PATJ: variants seen among roughly 807,000 people sequenced by gnomAD.
PATJ encodes PATJ crumbs cell polarity complex component.
A neutral mutation model predicts 224.9 loss-of-function variants in PATJ; 190 were observed. The observed-to-expected ratio is 0.84, with a 90% confidence interval of 0.75 to 0.95. The LOEUF (loss-of-function observed/expected upper bound fraction) is 0.95. Ranked by LOEUF, PATJ falls within the 40% of genes least tolerant of loss-of-function variation. The probability of loss-of-function intolerance (pLI) is 0.00; values close to 1 mark genes in which losing one functional copy is unlikely to be tolerated. For missense variants in PATJ, 2,121 were observed against 2,270.3 expected (o/e 0.93, Z 1.34); for synonymous variants, 769 against 820.3 (o/e 0.94, Z 1.07).
At chr1:62,054,816 G>T (rs1233136720) in intron 31 of PATJ, among the ~76,000 whole-genome samples, 1 of 152,034 alleles carries the variant, frequency 6.6e-6, no homozygotes, top group Non-Finnish European at 1.5e-5. Flanking sequence ...CAGCACTTTG[G>T]GATGCCGAGG....
intron 24 of PATJ, among the ~76,000 whole-genome samples, chr1:61,907,529 C>A (rs1672021013): frequency 6.6e-6 from 1 of 152,126 alleles, no homozygotes; most frequent in South Asian, 2.1e-4. Context: ...CTTTATCATC[C>A]ATTTTTTTCT....
chr1:61,946,587 CCAAA>C (rs766136625), intron 27 of PATJ, among the ~76,000 whole-genome samples: 5 of 152,266 alleles, frequency 3.3e-5, no homozygotes, highest in African/African-American at 4.8e-5. Flanking sequence ...AGCCTACCAA[CCAAA>C]CAAAGTCCAG....
intron 9 of PATJ, 145 bp downstream of exon 9, chr1:61,791,592 T>G (rs1649880383): frequency 2.0e-6 from 1 of 509,224 alleles, no homozygotes; most frequent in African/African-American, 1.9e-5. Context: ...CACTTCTCAG[T>G]GATTACAGAA....
At chr1:61,890,357 T>C (rs951192455) in intron 22 of PATJ, among the ~76,000 whole-genome samples, 22 of 152,178 alleles carry the variant, frequency 1.4e-4, no homozygotes, top group Non-Finnish European at 2.5e-4. Flanking sequence ...TGCATGCCTG[T>C]AGTCCTAACT....
chr1:62,005,580 A>G (rs980701884), intron 28 of PATJ, among the ~76,000 whole-genome samples: 1 of 152,104 alleles, frequency 6.6e-6, no homozygotes, highest in Non-Finnish European at 1.5e-5. Context: ...CCTGGGCAAG[A>G]TAGCAAGACC....
At chr1:61,858,759 A>G (rs983517854) in intron 18 of PATJ, among the ~76,000 whole-genome samples, 2 of 152,220 alleles carry the variant, frequency 1.3e-5, no homozygotes, top group African/African-American at 2.4e-5. Context: ...TCATATATAA[A>G]TAGATTCATG....
chr1:62,055,946 G>A (rs1465922011), intron 31 of PATJ, among the ~76,000 whole-genome samples: 1 of 152,194 alleles, frequency 6.6e-6, no homozygotes, highest in Admixed American at 6.5e-5. Context: ...GGGGGCTGCT[G>A]ATAAAAGCTC....
intron 14 of PATJ, among the ~76,000 whole-genome samples, chr1:61,820,141 G>A (rs368463720): frequency 1.7e-4 from 26 of 149,948 alleles, no homozygotes; most frequent in African/African-American, 4.4e-4. Context: ...TCCTGGATTC[G>A]AGGAATTATC....
chr1:62,011,960 G>A (rs951372933), intron 28 of PATJ, among the ~76,000 whole-genome samples: 1 of 151,774 alleles, frequency 6.6e-6, no homozygotes, highest in African/African-American at 2.4e-5. Context: ...CCAGGAGATT[G>A]AGGCTGTAGC....
At chr1:62,085,824 A>T (rs928665389) in intron 33 of PATJ, among the ~76,000 whole-genome samples, 137 of 107,538 alleles carry the variant, frequency 1.3e-3, no homozygotes, top group Middle Eastern at 4.7e-3. Flanking sequence ...GTCTCTGTTT[A>T]AAAAAAAAAA....
intron 31 of PATJ, among the ~76,000 whole-genome samples, chr1:62,069,828 G>A (rs1657090176): frequency 6.6e-6 from 1 of 152,132 alleles, no homozygotes; most frequent in Admixed American, 6.6e-5. Context: ...TGCTCAGTAA[G>A]CATGTATTGA....
rs60347128 is a variant in PATJ at position 62,045,870 on chromosome 1, C to T, written c.4033-5096C>T. On this transcript the variant is annotated intron_variant, in intron 30 of 43. Coordinates refer to ENST00000642238, the MANE Select transcript of PATJ (RefSeq NM_001350145.3). Reference sequence around the variant, plus strand: ...TGGTGAGTGGGGTATTTTGAAGACTCCTTACCTCATGAGCCATTCTGTTCT... The same window carrying T: ...TGGTGAGTGGGGTATTTTGAAGACTTCTTACCTCATGAGCCATTCTGTTCT... 4.8e-4 allele frequency among the ~76,000 whole-genome samples: 73 copies of T among 152,170 alleles called. 1 individual carries two copies. Among genetic ancestry groups the T allele is most frequent in the Middle Eastern group, 3.4e-3 (1 of 294 alleles).
At chr1:61,797,169 C>T (rs767793111) in intron 10 of PATJ, 118 bp from the exon 11 acceptor site, 15 of 1,186,070 alleles carry the variant, frequency 1.3e-5, no homozygotes, top group Admixed American at 5.8e-5. Context: ...CCACCACACC[C>T]GGCCTAAATA....
intron 31 of PATJ, among the ~76,000 whole-genome samples, chr1:62,052,322 G>A (rs764745991): frequency 6.6e-6 from 1 of 151,872 alleles, no homozygotes; most frequent in Non-Finnish European, 1.5e-5. Flanking sequence ...CTGGCTGAAG[G>A]GAAAGAATGT....
intron 26 of PATJ, among the ~76,000 whole-genome samples, chr1:61,926,438 A>G (rs1675221198): frequency 6.6e-6 from 1 of 152,236 alleles, no homozygotes; most frequent in South Asian, 2.1e-4. Flanking sequence ...ATATTAGTTT[A>G]AAACCTGGCT....
intron 41 of PATJ, among the ~76,000 whole-genome samples, chr1:62,136,831 A>G (rs1666954955): frequency 6.6e-6 from 1 of 151,916 alleles, no homozygotes; most frequent in Non-Finnish European, 1.5e-5. Flanking sequence ...CAGCCTCCCA[A>G]AGTGCTGGGA....
At chr1:61,913,340 C>T (rs901127277) in intron 25 of PATJ, among the ~76,000 whole-genome samples, 1 of 152,078 alleles carries the variant, frequency 6.6e-6, no homozygotes, top group Admixed American at 6.6e-5. Context: ...CCACAAGTAT[C>T]TGGGATTACA....
chr1:62,117,544 C>T, intron 37 of PATJ: 1 of 402,578 alleles, frequency 2.5e-6, no homozygotes, highest in Non-Finnish European at 3.6e-6. Flanking sequence ...GCAATTTGAC[C>T]CTCATTAGCA....
intron 20 of PATJ, among the ~76,000 whole-genome samples, chr1:61,873,031 AC>A (rs1264136422): frequency 6.6e-6 from 1 of 152,190 alleles, no homozygotes; most frequent in South Asian, 2.1e-4. Context: ...CATTTTCAAA[AC>A]AAAATTCACA....
Sources: allele counts gnomAD v4.1 joint callset (sites outside exome capture counted in the v4.1 genomes callset), GRCh38; gene constraint gnomAD v4.1.1; transcripts MANE v1.5; gene names NCBI Gene and HGNC (gene_info 2026-07-23, HGNC 2026-07-21).